GTF2E1: variants seen among roughly 807,000 people sequenced by gnomAD.
GTF2E1 encodes the protein general transcription factor IIE subunit 1.
Under a neutral mutation model 34.9 loss-of-function variants are expected in GTF2E1, and 14 were observed. The ratio of observed to expected loss-of-function variants is 0.40; its 90% CI spans 0.27 to 0.63. The LOEUF is 0.63. GTF2E1 is among the 20% of genes least tolerant of loss of function. The probability of loss-of-function intolerance (pLI) is 0.39; values close to 1 mark genes in which losing one functional copy is unlikely to be tolerated. For missense variants in GTF2E1, 469 were observed against 557.7 expected (o/e 0.84, Z 1.60); for synonymous variants, 188 against 192.9 (o/e 0.97, Z 0.21).
At chr3:120,770,543 A>T (rs1709342833) in intron 2 of GTF2E1, among the ~76,000 whole-genome samples, 185 bp from the exon 3 acceptor site, 1 of 152,208 alleles carries the variant, frequency 6.6e-6, no homozygotes, top group African/African-American at 2.4e-5. Context: ...ATGGATAGAT[A>T]TGTGATGAAT....
rs1302405232 is a variant in GTF2E1 at position 120,750,710 on chromosome 3, A to G, written c.158A>G (p.Lys53Arg). ...VKEEDMLELL[K>R]FDRKQLRSVL... ...GAGGAGGATATGCTGGAGCTGCTCA[A>G]GTTTGATCGGAAGCAACTTCGATCA... Residue 53 changes from lysine to arginine, a missense_variant, in exon 2 of 5, where the codon AAG becomes AGG. Physicochemically the swap from Lys to Arg is conservative, Grantham distance 26 (BLOSUM62 2). Transcript: ENST00000283875. 6.2e-7 allele frequency: 1 copy of G among 1,614,094 alleles called. No individual in the cohort carries two copies. The highest frequency in any genetic ancestry group is 8.5e-7 in the Non-Finnish European group (1 of 1,179,968).
chr3:120,765,026 C>T (rs1161414920), intron 2 of GTF2E1, among the ~76,000 whole-genome samples: 1 of 151,286 alleles, frequency 6.6e-6, no homozygotes, highest in African/African-American at 2.4e-5. Context: ...AATCCCTTCC[C>T]CCCACCCTCC....
At chr3:120,756,855 G>A (rs1709213830) in intron 2 of GTF2E1, among the ~76,000 whole-genome samples, 1 of 152,090 alleles carries the variant, frequency 6.6e-6, no homozygotes, top group Non-Finnish European at 1.5e-5. Context: ...GAACCCAGGA[G>A]CCAGAGGTTG....
chr3:120,744,511 C>T (rs1245764071), intron 1 of GTF2E1, among the ~76,000 whole-genome samples: 1 of 152,176 alleles, frequency 6.6e-6, no homozygotes, highest in African/African-American at 2.4e-5. Context: ...TCATTTCTTC[C>T]TGCTCCTCGT....
In GTF2E1 at chr3:120,750,528, T is replaced by A. The variant is rs1709155719; in HGVS notation, c.-25T>A. 6.3e-7 allele frequency: 1 copy of A among 1,582,604 alleles called. No individual in the cohort carries two copies. Among genetic ancestry groups the A allele is most frequent in the East Asian group, 2.2e-5 (1 of 44,458 alleles). ...CTGTTTTTTTTTGAATTCAGTATAT[T>A]TAAAGTTGGAGTTCGTTGCTAAAGA... is the stretch of plus-strand genomic sequence containing the variant. On this transcript the variant is annotated 5_prime_UTR_variant, in exon 2 of 5. Coordinates refer to ENST00000283875, the MANE Select transcript of GTF2E1 (RefSeq NM_005513.3).
chr3:120,745,197 C>T (rs900891442), intron 1 of GTF2E1, among the ~76,000 whole-genome samples: 1 of 152,186 alleles, frequency 6.6e-6, no homozygotes, highest in South Asian at 2.1e-4. Flanking sequence ...CCACTGTAGC[C>T]ACTGCACTTG....
chr3:120,750,534 T>C lies in GTF2E1; in HGVS notation c.-19T>C. 1 of 1,590,678 alleles carries C rather than the reference T, an allele frequency of 6.3e-7. No individual in the cohort carries two copies. On this transcript the variant is annotated 5_prime_UTR_variant, in exon 2 of 5. Coordinates refer to ENST00000283875, the MANE Select transcript of GTF2E1 (RefSeq NM_005513.3). ...TTTTTTGAATTCAGTATATTTAAAG[T>C]TGGAGTTCGTTGCTAAAGATGGCAG...
At position 120,748,413 on chromosome 3, in the gene GTF2E1, G is replaced by C. The variant is rs138321755; in HGVS notation, c.-30-2110G>C. Among the ~76,000 whole-genome samples the C allele has an allele frequency of 5.6e-3, 847 of 152,324 alleles. 11 individuals are homozygous for C. The highest frequency in any genetic ancestry group is 0.02 in the African/African-American group (815 of 41,572). ...AACATTTAAGTCTTTAACCCGTCTTGAATTAATTTTTGTAAAAGGTGTAAG... is the reference window on the plus strand; with the variant it reads ...AACATTTAAGTCTTTAACCCGTCTTCAATTAATTTTTGTAAAAGGTGTAAG... On this transcript the variant is annotated intron_variant, in intron 1 of 4. Transcript: ENST00000283875.
intron 2 of GTF2E1, among the ~76,000 whole-genome samples, chr3:120,754,087 A>T (rs1452468399): frequency 6.6e-6 from 1 of 152,148 alleles, no homozygotes; most frequent in African/African-American, 2.4e-5. Flanking sequence ...ATTTAAATAG[A>T]CTTAAGTATT....
At chr3:120,762,079 C>T (rs79798717) in intron 2 of GTF2E1, among the ~76,000 whole-genome samples, 7 of 152,248 alleles carry the variant, frequency 4.6e-5, no homozygotes, top group Admixed American at 2.0e-4. Flanking sequence ...CATGAGCTAC[C>T]GCGCCTGGCC....
At position 120,762,044 on chromosome 3, in the gene GTF2E1, C is replaced by T. The variant is rs374610524; in HGVS notation, c.449-8684C>T. Among the ~76,000 whole-genome samples, 17 of 152,288 alleles carry T rather than the reference C, an allele frequency of 1.1e-4. No individual in the cohort carries two copies. In the East Asian group the frequency reaches 3.3e-3, roughly 29 times the overall value. ...TGACCTCGTGATCCACCTGCCTTGA[C>T]CTCCCAAAGTGCTGGGATTACAGGC... is the stretch of plus-strand genomic sequence containing the variant. On this transcript the variant is annotated intron_variant, in intron 2 of 4. Coordinates refer to ENST00000283875, the MANE Select transcript of GTF2E1 (RefSeq NM_005513.3).
chr3:120,776,546 G>C lies in GTF2E1; in HGVS notation c.774G>C (p.Met258Ile), dbSNP rs1156611409. The C allele has an allele frequency of 3.7e-6, 6 of 1,614,010 alleles. No homozygotes were observed. The Admixed American group carries it at 1.0e-4, about 27-fold the overall frequency. Residue 258 changes from methionine (M) to isoleucine (I), a missense_variant, in exon 4 of 5, where the codon ATG becomes ATC. Physicochemically the swap from Met to Ile is conservative, Grantham distance 10 (BLOSUM62 1). Coordinates refer to ENST00000283875, the MANE Select transcript of GTF2E1 (RefSeq NM_005513.3). ...ACACTCAGAATGTTGTCATTAACAT[G>C]GATGACCAAGAAGATCTTCATCGAG... ...DLYTQNVVIN[M>I]DDQEDLHRAS...
At chr3:120,754,811 A>G (rs1709194730) in intron 2 of GTF2E1, among the ~76,000 whole-genome samples, 1 of 152,100 alleles carries the variant, frequency 6.6e-6, no homozygotes, top group South Asian at 2.1e-4. Flanking sequence ...AAAGAATCTT[A>G]TAAATGTATA....
intron 2 of GTF2E1, among the ~76,000 whole-genome samples, chr3:120,767,881 T>G (rs540640818): frequency 1.3e-5 from 2 of 152,254 alleles, no homozygotes; most frequent in African/African-American, 4.8e-5. Flanking sequence ...TTACTCGAGT[T>G]AAAGGACTGT....
intron 3 of GTF2E1, 52 bp from the exon 4 acceptor site, chr3:120,776,371 A>C: frequency 6.5e-7 from 1 of 1,548,128 alleles, no homozygotes; most frequent in South Asian, 1.2e-5. Context: ...CTTTTCCAAC[A>C]CCAAGACATT....
At chr3:120,770,685 C>T in intron 2 of GTF2E1, 43 bp from the exon 3 acceptor site, 1 of 1,422,968 alleles carries the variant, frequency 7.0e-7, no homozygotes, top group Non-Finnish European at 9.9e-7. Context: ...AAACTATCTG[C>T]TAAAGTCTTC....
At chr3:120,747,820 C>A (rs1030182937) in intron 1 of GTF2E1, among the ~76,000 whole-genome samples, 1 of 152,226 alleles carries the variant, frequency 6.6e-6, no homozygotes, top group African/African-American at 2.4e-5. Flanking sequence ...GAGGAATCGC[C>A]ACACTGACTT....
intron 1 of GTF2E1, among the ~76,000 whole-genome samples, chr3:120,748,811 GAT>G (rs2107604756): frequency 6.6e-6 from 1 of 152,272 alleles, no homozygotes; most frequent in African/African-American, 2.4e-5. Flanking sequence ...GCTTCATGGG[GAT>G]GGCATTGAAT....
intron 2 of GTF2E1, among the ~76,000 whole-genome samples, chr3:120,751,460 A>G (rs143270931): frequency 1.4e-3 from 218 of 152,284 alleles, no homozygotes; most frequent in African/African-American, 4.9e-3. Context: ...TTGAGACCTA[A>G]AAGATAGTAA....
Sources: gnomAD v4.1 joint callset for allele counts (sites outside exome capture counted in the v4.1 genomes callset) on GRCh38, gnomAD v4.1.1 for gene constraint, MANE v1.5 for transcripts, NCBI Gene and HGNC (gene_info 2026-07-23, HGNC 2026-07-21) for gene names.